Variants in ARHGAP32 observed in about 807,000 individuals in gnomAD.
The protein encoded by ARHGAP32 is Rho GTPase activating protein 32.
In ARHGAP32, 51 loss-of-function variants were observed where a neutral mutation model predicts 186.5. That is an observed-to-expected ratio of 0.27 (90% confidence interval 0.22 to 0.35). The LOEUF is 0.35. Among genes scored for constraint, ARHGAP32 ranks in the 10% least tolerant of loss-of-function variants. ARHGAP32 has a pLI of 1.00. For missense variants in ARHGAP32, 2,186 were observed against 2,623.5 expected (o/e 0.83, Z 3.64); for synonymous variants, 950 against 964.3 (o/e 0.99, Z 0.27).
At position 129,127,869 on chromosome 11, in the gene ARHGAP32, C is replaced by T. The variant is rs924225318; in HGVS notation, c.226-2975G>A. 2.0e-5 allele frequency among the ~76,000 whole-genome samples: 3 copies of T among 152,108 alleles called. No individual in the cohort carries two copies. In the South Asian group the frequency reaches 6.2e-4, roughly 32 times the overall value. On this transcript the variant is annotated intron_variant, in intron 2 of 22. Coordinates refer to ENST00000682385, the MANE Select transcript of ARHGAP32 (RefSeq NM_001378024.1). ...ACACAGTAACAGCATCATTCATCAA[C>T]AGAACATTCAAAAGACCTCAAAAGG...
intron 1 of ARHGAP32, among the ~76,000 whole-genome samples, chr11:129,165,532 C>A (rs1362730845): frequency 6.7e-6 from 1 of 149,028 alleles, no homozygotes. Flanking sequence ...TCCAGACTCT[C>A]TGCAAATCTT....
intron 8 of ARHGAP32, 42 bp from the exon 9 acceptor site, chr11:129,064,066 T>C: frequency 6.5e-7 from 1 of 1,533,464 alleles, no homozygotes; most frequent in Non-Finnish European, 8.8e-7. Flanking sequence ...GACACTGGAC[T>C]TGCAAATGCT....
intron 13 of ARHGAP32, among the ~76,000 whole-genome samples, 185 bp from the exon 14 acceptor site, chr11:128,986,853 A>C (rs1591503339): frequency 1.3e-5 from 2 of 152,330 alleles, no homozygotes; most frequent in African/African-American, 4.8e-5. Flanking sequence ...GTCTTAGTAC[A>C]AGATAGATGT....
intron 1 of ARHGAP32, among the ~76,000 whole-genome samples, chr11:129,207,039 A>G (rs1050068138): frequency 3.9e-5 from 6 of 152,128 alleles, no homozygotes; most frequent in Non-Finnish European, 5.9e-5. Flanking sequence ...TTTGCTGAGA[A>G]TGATGGTTTC....
At chr11:129,135,079 C>T (rs1339974058) in intron 2 of ARHGAP32, among the ~76,000 whole-genome samples, 2 of 152,166 alleles carry the variant, frequency 1.3e-5, no homozygotes, top group Non-Finnish European at 2.9e-5. Flanking sequence ...TATACATGCA[C>T]ATGTGCCTCA....
intron 1 of ARHGAP32, among the ~76,000 whole-genome samples, chr11:129,204,717 C>G (rs1389627711): frequency 6.6e-6 from 1 of 152,160 alleles, no homozygotes; most frequent in East Asian, 1.9e-4. Flanking sequence ...GACTAGTTTA[C>G]TTAAAGTACT....
chr11:129,265,458 C>A (rs1945385035), intron 1 of ARHGAP32, among the ~76,000 whole-genome samples: 1 of 152,162 alleles, frequency 6.6e-6, no homozygotes, highest in South Asian at 2.1e-4. Context: ...CCCTTCTCAA[C>A]CCGAGTTAAG....
intron 1 of ARHGAP32, among the ~76,000 whole-genome samples, chr11:129,278,953 G>C (rs965228943): frequency 4.8e-5 from 7 of 147,116 alleles, no homozygotes; most frequent in Non-Finnish European, 7.6e-5. Context: ...CCGCAGCGCC[G>C]TCCGCCCCGG....
At position 129,155,594 on chromosome 11, in the gene ARHGAP32, C is replaced by T. The variant is rs929011106; in HGVS notation, c.225+8725G>A. On this transcript the variant is annotated intron_variant, in intron 2 of 22. Transcript: ENST00000682385. ...TTCATAAAAAATAACAAGATTGCAA[C>T]CTAAGTACATTTCCTAGTAGTTCAT... is the stretch of plus-strand genomic sequence containing the variant. Among the ~76,000 whole-genome samples, 3 of 152,038 alleles carry T rather than the reference C, an allele frequency of 2.0e-5. No individual in the cohort carries two copies. The East Asian group carries it at 5.8e-4, about 29-fold the overall frequency.
intron 12 of ARHGAP32, among the ~76,000 whole-genome samples, chr11:128,997,174 C>T (rs115086956): frequency 0.012 from 1,774 of 152,224 alleles, 32 homozygotes; most frequent in African/African-American, 0.04. Context: ...GACATTCTCA[C>T]TGGTTGAGTT....
At chr11:129,030,787 T>C (rs1939080553) in intron 11 of ARHGAP32, among the ~76,000 whole-genome samples, 1 of 152,226 alleles carries the variant, frequency 6.6e-6, no homozygotes, top group African/African-American at 2.4e-5. Context: ...TGTTCAATTG[T>C]AATCCCCAGT....
At chr11:129,054,617 C>T (rs1290615261) in intron 10 of ARHGAP32, among the ~76,000 whole-genome samples, 3 of 152,102 alleles carry the variant, frequency 2.0e-5, no homozygotes, top group Non-Finnish European at 4.4e-5. Context: ...TCTGAGGTAT[C>T]ACCTCATATT....
chr11:128,985,986 T>C lies in ARHGAP32; in HGVS notation c.1526+17A>G, dbSNP rs762342525. On this transcript the variant is annotated intron_variant, in intron 15 of 22. Transcript: ENST00000682385. ...CCGACTTCTACCTCTGCCTGGTATTTACCCACTGTGGCTGACCTGTAGTGT... is the reference window on the plus strand; with the variant it reads ...CCGACTTCTACCTCTGCCTGGTATTCACCCACTGTGGCTGACCTGTAGTGT... The C allele has an allele frequency of 6.3e-7, 1 of 1,593,846 alleles. No homozygotes were observed. The highest frequency in any genetic ancestry group is 1.1e-5 in the South Asian group (1 of 87,970).
At position 128,965,631 on chromosome 11, in the gene ARHGAP32, C is replaced by G. The variant is rs1001961625; in HGVS notation, c.*3276G>C. On this transcript the variant is annotated 3_prime_UTR_variant, in exon 23 of 23. Transcript: ENST00000682385. ...TTCTGTAACACACAGTGCTGAAAAT[C>G]ACATGCCTCTAACCATGTGGAAGAA... 1.3e-5 allele frequency: 2 copies of G among 152,196 alleles called. No individual in the cohort carries two copies. Among genetic ancestry groups the G allele is most frequent in the Non-Finnish European group, 2.9e-5 (2 of 68,030 alleles). The allele number at this position is 152,196 out of a possible 1,614,324, so 9.4% of individuals were successfully genotyped here. A position where few individuals can be genotyped will look rare whatever the true frequency, so the allele number is the denominator to read the frequency against.
intron 10 of ARHGAP32, among the ~76,000 whole-genome samples, chr11:129,044,313 C>A (rs918141197): frequency 1.3e-5 from 2 of 152,158 alleles, no homozygotes; most frequent in African/African-American, 2.4e-5. Flanking sequence ...ACAACATGAT[C>A]TATTAACTAC....
At chr11:129,143,553 G>A (rs1943106790) in intron 2 of ARHGAP32, among the ~76,000 whole-genome samples, 1 of 152,122 alleles carries the variant, frequency 6.6e-6, no homozygotes, top group African/African-American at 2.4e-5. Flanking sequence ...TCATCTCAGT[G>A]ACCAGACCAA....
At chr11:128,986,142 T>A (rs1945866738) in intron 14 of ARHGAP32, 57 bp from the exon 15 acceptor site, 1 of 1,334,818 alleles carries the variant, frequency 7.5e-7, no homozygotes, top group African/African-American at 1.5e-5. Context: ...AAATGAAAGT[T>A]CACTTACAAT....
chr11:129,262,780 C>T (rs1324598735), intron 1 of ARHGAP32, among the ~76,000 whole-genome samples: 2 of 7,120 alleles, frequency 2.8e-4, no homozygotes, highest in African/African-American at 3.4e-3. Flanking sequence ...GACTGCAACA[C>T]ACCAAAAAAA....
At chr11:129,203,543 A>G (rs954665277) in intron 1 of ARHGAP32, among the ~76,000 whole-genome samples, 6 of 152,024 alleles carry the variant, frequency 3.9e-5, no homozygotes, top group African/African-American at 7.2e-5. Context: ...GTTGAAAATT[A>G]GGGACTGATT....
Sources: gnomAD v4.1 joint callset for allele counts (sites outside exome capture counted in the v4.1 genomes callset) on GRCh38, gnomAD v4.1.1 for gene constraint, MANE v1.5 for transcripts, NCBI Gene and HGNC (gene_info 2026-07-23, HGNC 2026-07-21) for gene names.